The following C1orf21 variants were observed in gnomAD, a reference collection of about 807,000 sequenced individuals.
C1orf21 encodes the protein chromosome 1 open reading frame 21, also known as uncharacterized protein C1orf21.
In C1orf21, 3 loss-of-function variants were observed where a neutral mutation model predicts 18.7. The observed-to-expected ratio is 0.16, with a 90% CI of 0.07 to 0.42. The LOEUF (loss-of-function observed/expected upper bound fraction) is 0.42, where lower values mean the gene tolerates loss of function less well. Ranked by LOEUF, C1orf21 falls within the 10% of genes least tolerant of loss-of-function variation. The probability of loss-of-function intolerance (pLI) is 0.99; values close to 1 mark genes in which losing one functional copy is unlikely to be tolerated. For synonymous variants in C1orf21, 41 were observed against 46.4 expected, an observed-to-expected ratio of 0.88 and a Z score of 0.47; for missense variants, 104 against 143.6, an observed-to-expected ratio of 0.72 and a Z score of 1.41.
chr1:184,604,610 T>A (rs183500441), intron 5 of C1orf21, among the ~76,000 whole-genome samples: 59 of 152,326 alleles, frequency 3.9e-4, no homozygotes, highest in African/African-American at 1.3e-3. Flanking sequence ...AAATTAGAGC[T>A]ATAATTACAA....
rs371988258 is a variant in C1orf21 at position 184,603,099 on chromosome 1, G to A, written c.327+4638G>A. ...AATTTCTGGGTTTTAAGACTCCATG[G>A]AGCCTGGCCATGGGCCCCAGGCAAA... On this transcript the variant is annotated intron_variant, in intron 5 of 5. Coordinates refer to ENST00000235307, the MANE Select transcript of C1orf21 (RefSeq NM_030806.4). Among the ~76,000 whole-genome samples, 156 of 152,210 alleles carry A rather than the reference G, an allele frequency of 1.0e-3. 5 individuals are homozygous for A. The South Asian group carries it at 0.031, about 30-fold the overall frequency.
chr1:184,394,021 A>G (rs1225988191), intron 1 of C1orf21, among the ~76,000 whole-genome samples: 2 of 152,180 alleles, frequency 1.3e-5, no homozygotes, highest in African/African-American at 2.4e-5. Flanking sequence ...ATAAGTTTGT[A>G]GCCTATATCA....
chr1:184,560,631 G>A (rs12743488), intron 3 of C1orf21, among the ~76,000 whole-genome samples: 9,506 of 152,198 alleles, frequency 0.062, 373 homozygotes, highest in African/African-American at 0.069. Context: ...AACACCTCAA[G>A]TGGAGTGTGG....
At chr1:184,517,001 G>A (rs906121792) in intron 3 of C1orf21, among the ~76,000 whole-genome samples, 14 of 152,320 alleles carry the variant, frequency 9.2e-5, no homozygotes, top group African/African-American at 3.1e-4. Context: ...CCCTGTAAGG[G>A]GGCTTGTGTT....
At chr1:184,598,327 C>A (rs960596378) in intron 4 of C1orf21, 74 bp from the exon 5 acceptor site, 4 of 1,408,218 alleles carry the variant, frequency 2.8e-6, no homozygotes, top group Non-Finnish European at 3.9e-6. Context: ...TTTGGGGACT[C>A]TGCATTTTTC....
At chr1:184,571,739 AG>A (rs1350874980) in intron 3 of C1orf21, among the ~76,000 whole-genome samples, 1 of 152,170 alleles carries the variant, frequency 6.6e-6, no homozygotes, top group Non-Finnish European at 1.5e-5. Context: ...TTGGAACATA[AG>A]GGGGGAGTTT....
chr1:184,538,436 A>C (rs1355135059), intron 3 of C1orf21, among the ~76,000 whole-genome samples: 1 of 152,132 alleles, frequency 6.6e-6, no homozygotes, highest in Non-Finnish European at 1.5e-5. Flanking sequence ...TCTATCACTC[A>C]TATCTTTTGA....
intron 2 of C1orf21, among the ~76,000 whole-genome samples, chr1:184,501,158 T>C (rs1308570289): frequency 6.6e-6 from 1 of 152,214 alleles, no homozygotes; most frequent in Non-Finnish European, 1.5e-5. Flanking sequence ...GCAGCTTCAG[T>C]GCCTGGACAC....
rs78874655 is a variant in C1orf21 at position 184,525,920 on chromosome 1, A to G, written c.189+18238A>G. Among the ~76,000 whole-genome samples the G allele has an allele frequency of 3.6e-3, 549 of 152,308 alleles. 4 individuals are homozygous for G. The highest frequency in any genetic ancestry group is 0.013 in the African/African-American group (533 of 41,568). On this transcript the variant is annotated intron_variant, in intron 3 of 5. Transcript: ENST00000235307. ...GAAACTTCATTCTGCTGTAGATGGTAAATTAATGATTGTAGCAATATATAA... is the reference window on the plus strand; with the variant it reads ...GAAACTTCATTCTGCTGTAGATGGTGAATTAATGATTGTAGCAATATATAA...
At chr1:184,585,850 T>G (rs1373748029) in intron 3 of C1orf21, among the ~76,000 whole-genome samples, 1 of 152,252 alleles carries the variant, frequency 6.6e-6, no homozygotes, top group African/African-American at 2.4e-5. Context: ...TACCACATTT[T>G]CTTTATTCAG....
intron 3 of C1orf21, among the ~76,000 whole-genome samples, chr1:184,570,608 G>T (rs574506410): frequency 1.4e-4 from 22 of 152,186 alleles, no homozygotes; most frequent in Non-Finnish European, 3.1e-4. Context: ...AGAAAAGGGT[G>T]TGCTTAGACA....
intron 3 of C1orf21, among the ~76,000 whole-genome samples, chr1:184,573,389 C>T (rs960048899): frequency 7.9e-5 from 12 of 152,144 alleles, no homozygotes; most frequent in African/African-American, 2.4e-4. Context: ...TCCTAGAAAA[C>T]GTAACATTCC....
At chr1:184,420,182 A>G (rs144435162) in intron 1 of C1orf21, among the ~76,000 whole-genome samples, 87 of 152,152 alleles carry the variant, frequency 5.7e-4, no homozygotes, top group African/African-American at 2.0e-3. Context: ...TCTAAGAGCC[A>G]GGATTTAGGT....
chr1:184,539,989 A>C (rs1658622619), intron 3 of C1orf21: 1 of 152,198 alleles, frequency 6.6e-6, no homozygotes, highest in Admixed American at 6.5e-5. Flanking sequence ...TGTACCCACG[A>C]GTGAGAAATA....
At chr1:184,453,974 A>G (rs1657158544) in intron 1 of C1orf21, among the ~76,000 whole-genome samples, 1 of 152,244 alleles carries the variant, frequency 6.6e-6, no homozygotes, top group South Asian at 2.1e-4. Flanking sequence ...GAAACAAAGC[A>G]TTATATGGGC....
intron 3 of C1orf21, among the ~76,000 whole-genome samples, chr1:184,572,810 C>T (rs1014076149): frequency 3.9e-5 from 6 of 151,956 alleles, no homozygotes; most frequent in African/African-American, 7.2e-5. Flanking sequence ...AAATCAGCCA[C>T]GCATGGTGGC....
At chr1:184,507,834 A>T (rs1412340541) in intron 3 of C1orf21, 152 bp downstream of exon 3, 2 of 610,006 alleles carry the variant, frequency 3.3e-6, no homozygotes, top group Non-Finnish European at 5.6e-6. Flanking sequence ...CTGCACCATT[A>T]CTCCTGTATC....
intron 3 of C1orf21, among the ~76,000 whole-genome samples, chr1:184,524,370 G>GT (rs1224268820): frequency 3.3e-5 from 5 of 152,056 alleles, no homozygotes; most frequent in Non-Finnish European, 7.4e-5. Flanking sequence ...ATAAGACTGG[G>GT]TACCTTCATG....
At chr1:184,447,280 C>T (rs1001281968) in intron 1 of C1orf21, among the ~76,000 whole-genome samples, 1 of 152,166 alleles carries the variant, frequency 6.6e-6, no homozygotes, top group Non-Finnish European at 1.5e-5. Context: ...ATATATAGCG[C>T]TTTGTCTGCA....
Sources: allele counts gnomAD v4.1 joint callset (sites outside exome capture counted in the v4.1 genomes callset), GRCh38; gene constraint gnomAD v4.1.1; transcripts MANE v1.5; gene names NCBI Gene and HGNC (gene_info 2026-07-23, HGNC 2026-07-21).